Variants in PLS3 observed in about 807,000 individuals in gnomAD.
The protein encoded by PLS3 is plastin 3, also known as plastin-3.
A neutral mutation model predicts 46.5 loss-of-function variants in PLS3; 11 were observed. The ratio of observed to expected loss-of-function variants is 0.24; its 90% confidence interval spans 0.15 to 0.39. PLS3 has a LOEUF of 0.39. Among genes scored for constraint, PLS3 ranks in the 10% least tolerant of loss-of-function variants. PLS3 has a pLI of 1.00. For missense variants in PLS3, 308 were observed against 461.8 expected, an observed-to-expected ratio of 0.67 and a Z score of 3.05; for synonymous variants, 167 against 162.2, an observed-to-expected ratio of 1.03 and a Z score of -0.22.
At chrX:115,642,805 TA>T (rs1482718317) in intron 9 of PLS3, among the ~76,000 whole-genome samples, 1 of 112,049 alleles carries the variant, frequency 8.9e-6, no homozygotes, top group African/African-American at 3.2e-5. Context: ...GGACTACAGT[TA>T]ATACCCTTTC....
At position 115,604,380 on chromosome X, in the gene PLS3, T is replaced by A. The variant is rs2074471799; in HGVS notation, c.-8-5863T>A. On this transcript the variant is annotated intron_variant, in intron 1 of 15. Coordinates refer to ENST00000355899, the MANE Select transcript of PLS3 (RefSeq NM_005032.7). ...AGGATTTGAAGTTGCTATGTAATAC[T>A]TCATAGTTCACAATATGCTGTCATA... Among the ~76,000 whole-genome samples, 3 of 112,257 alleles carry A rather than the reference T, an allele frequency of 2.7e-5. No homozygotes were observed. The South Asian group carries it at 1.1e-3, about 41-fold the overall frequency.
chrX:115,626,015 T>C (rs908767872), intron 3 of PLS3, among the ~76,000 whole-genome samples: 21 of 112,405 alleles, frequency 1.9e-4, no homozygotes, highest in Admixed American at 1.0e-3. Context: ...AGCAAGTCTT[T>C]CCTTGTGGAG....
intron 13 of PLS3, 142 bp from the exon 14 acceptor site, chrX:115,647,408 T>G: frequency 1.8e-6 from 1 of 558,072 alleles, no homozygotes; most frequent in Non-Finnish European, 2.8e-6. Context: ...CACTCCAGCC[T>G]GGGCGACAGA....
chrX:115,570,400 A>G (rs966882017), intron 1 of PLS3, among the ~76,000 whole-genome samples: 9 of 110,848 alleles, frequency 8.1e-5, no homozygotes, highest in Non-Finnish European at 1.5e-4. Context: ...TAGGTGCTCA[A>G]TAAGTATTTT....
chrX:115,623,357 A>T (rs2074675600), intron 3 of PLS3, among the ~76,000 whole-genome samples: 2 of 109,726 alleles, frequency 1.8e-5, no homozygotes, highest in Non-Finnish European at 3.8e-5. Context: ...CATCTGTACA[A>T]AAGAAAATTT....
intron 2 of PLS3, 148 bp downstream of exon 2, chrX:115,610,471 T>C (rs2074537850): frequency 9.2e-6 from 3 of 327,645 alleles, no homozygotes; most frequent in Non-Finnish European, 1.0e-5. Context: ...AAGCTATACT[T>C]AAAATTGTTT....
intron 1 of PLS3, among the ~76,000 whole-genome samples, chrX:115,579,815 G>A (rs200392823): frequency 7.2e-5 from 8 of 111,138 alleles, no homozygotes; most frequent in East Asian, 5.7e-4. Flanking sequence ...TCGCTGCAGC[G>A]TCAACATCCT....
At chrX:115,623,728 C>A (rs1274457580) in intron 3 of PLS3, among the ~76,000 whole-genome samples, 1 of 111,315 alleles carries the variant, frequency 9.0e-6, no homozygotes, top group African/African-American at 3.3e-5. Context: ...CTCCTATCCT[C>A]CTTTGTCATG....
Position 115,650,663 on chromosome X carries a change from T to C in PLS3, c.*1102T>C, listed in dbSNP as rs1270656233. On this transcript the variant is annotated 3_prime_UTR_variant, in exon 16 of 16. Transcript: ENST00000355899. Reference sequence around the variant, plus strand: ...ATGTAGTAGTTCAAATAAAGGCATTTACATAATAATTAGTCTGTTCTTCAT... The same window carrying C: ...ATGTAGTAGTTCAAATAAAGGCATTCACATAATAATTAGTCTGTTCTTCAT... The C allele has an allele frequency of 8.9e-6, 1 of 112,362 alleles. No homozygotes were observed. The highest frequency in any genetic ancestry group is 3.2e-5 in the African/African-American group (1 of 30,930). The allele number at this position is 112,362 out of a possible 1,213,427, so 9.3% of individuals were successfully genotyped here.
At chrX:115,614,259 G>A (rs781849444) in intron 2 of PLS3, 30 of 731,333 alleles carry the variant, frequency 4.1e-5, no homozygotes, top group African/African-American at 1.2e-4. Flanking sequence ...GTGAGCCACC[G>A]CGCCTGGCCT....
chrX:115,635,962 A>G (rs2074830604), intron 7 of PLS3, among the ~76,000 whole-genome samples: 4 of 110,208 alleles, frequency 3.6e-5, no homozygotes, highest in South Asian at 4.0e-4. Flanking sequence ...CAGAGGTTGC[A>G]GTGAGCCGAG....
chrX:115,589,372 A>G (rs781863709), intron 1 of PLS3, among the ~76,000 whole-genome samples: 1 of 112,046 alleles, frequency 8.9e-6, no homozygotes, highest in Non-Finnish European at 1.9e-5. Context: ...CATCCATGCA[A>G]CAAGTTTATA....
intron 3 of PLS3, among the ~76,000 whole-genome samples, chrX:115,622,822 C>T (rs2074670166): frequency 9.0e-6 from 1 of 111,547 alleles, no homozygotes; most frequent in Non-Finnish European, 1.9e-5. Flanking sequence ...TGAACTTTCT[C>T]ATTAAAAAGT....
In PLS3 at chrX:115,634,896, G is replaced by T; in HGVS notation, c.598G>T (p.Ala200Ser). 5.0e-6 allele frequency: 6 copies of T among 1,207,648 alleles called. No individual in the cohort carries two copies. The highest frequency in any genetic ancestry group is 6.7e-6 in the Non-Finnish European group (6 of 893,935). The change falls in exon 7 of 16, where the codon GCA (alanine) becomes TCA (serine). Residue 200 changes from alanine to serine, a missense_variant. By Grantham distance (99) the Ala-to-Ser change is moderately conservative. Around this residue, in one of 2 missense-constraint regions of PLS3, gnomAD observed 271 missense variants for 435.7 expected, o/e 0.62. Transcript: ENST00000355899. ...PFIIQENLNL[A>S]LNSASAIGCH... ...TGTCTTGCAGGAAAACTTGAACTTG[G>T]CACTGAACTCTGCTTCTGCCATTGG...
At chrX:115,565,983 T>G (rs1556630056) in intron 1 of PLS3, among the ~76,000 whole-genome samples, 1 of 112,441 alleles carries the variant, frequency 8.9e-6, no homozygotes, top group African/African-American at 3.2e-5. Flanking sequence ...ATAGATGATC[T>G]TAAGTAACTC....
chrX:115,608,958 G>A (rs920505515), intron 1 of PLS3, among the ~76,000 whole-genome samples: 6 of 109,748 alleles, frequency 5.5e-5, no homozygotes, highest in African/African-American at 1.7e-4. Context: ...CTATTGGCCG[G>A]GTACGGTGGC....
In PLS3 at chrX:115,565,597, T is replaced by C. The variant is rs1038302056; in HGVS notation, c.-9+4337T>C. Among the ~76,000 whole-genome samples, 10 of 111,993 alleles carry C rather than the reference T, an allele frequency of 8.9e-5. No homozygotes were observed. The South Asian group carries it at 1.1e-3, about 13-fold the overall frequency. On this transcript the variant is annotated intron_variant, in intron 1 of 15. Transcript: ENST00000355899. ...AAAAAGAGAGGATTGCTCAAGCTTT[T>C]TGGTTTGCTGGGTTTTATTTTTTCA...
At chrX:115,637,432 C>G (rs1164663076) in intron 8 of PLS3, among the ~76,000 whole-genome samples, 1 of 111,596 alleles carries the variant, frequency 9.0e-6, no homozygotes, top group Non-Finnish European at 1.9e-5. Flanking sequence ...GCAATGAGCT[C>G]TTATTTATGT....
chrX:115,634,113 A>T, intron 6 of PLS3, 32 bp downstream of exon 6: 1 of 861,767 alleles, frequency 1.2e-6, no homozygotes, highest in Non-Finnish European at 1.7e-6. Flanking sequence ...CTTTAACATG[A>T]AATTACTGTT....
Sources: gnomAD v4.1 joint callset for allele counts (sites outside exome capture counted in the v4.1 genomes callset) on GRCh38, gnomAD v4.1.1 for gene constraint, gnomAD v4.1.1 regional missense constraint, MANE v1.5 for transcripts, NCBI Gene and HGNC (gene_info 2026-07-23, HGNC 2026-07-21) for gene names.